Variants in ACADSB observed in about 807,000 individuals in gnomAD.
ACADSB encodes the protein short/branched chain specific acyl-CoA dehydrogenase, mitochondrial.
Under a neutral mutation model 54.1 loss-of-function variants are expected in ACADSB, and 40 were observed. That is an observed-to-expected ratio of 0.74 (90% CI 0.57 to 0.96). ACADSB has a LOEUF of 0.96. Among genes scored for constraint, ACADSB ranks in the 40% least tolerant of loss-of-function variants. The probability of loss-of-function intolerance (pLI) is 0.00; values close to 1 mark genes in which losing one functional copy is unlikely to be tolerated. For synonymous variants in ACADSB, 182 were observed against 182.8 expected (o/e 1.00, Z 0.03); for missense variants, 530 against 510.4 (o/e 1.04, Z -0.37).
intron 1 of ACADSB, among the ~76,000 whole-genome samples, chr10:123,013,562 C>T (rs1264940527): frequency 7.2e-5 from 11 of 152,238 alleles, no homozygotes; most frequent in Admixed American, 2.0e-4. Flanking sequence ...GGGTGGCGCT[C>T]GTCGGGGAGG....
chr10:123,037,662 T>A, intron 2 of ACADSB, 85 bp from the exon 3 acceptor site: 6 of 898,082 alleles, frequency 6.7e-6, no homozygotes, highest in Non-Finnish European at 1.1e-5. Context: ...TATTTTAACT[T>A]AGTTAAAATG....
intron 1 of ACADSB, among the ~76,000 whole-genome samples, chr10:123,011,750 G>A (rs1850039190): frequency 6.6e-6 from 1 of 151,892 alleles, no homozygotes; most frequent in South Asian, 2.1e-4. Context: ...AGATGGAAAT[G>A]GTCTCAAACT....
chr10:123,040,774 C>G (rs1850462935), intron 4 of ACADSB, 102 bp downstream of exon 4: 1 of 1,069,532 alleles, frequency 9.3e-7, no homozygotes. Flanking sequence ...CTATCCAAGA[C>G]CACAATGCGG....
chr10:123,051,462 T>C (rs1432512807), intron 9 of ACADSB, among the ~76,000 whole-genome samples: 4 of 152,062 alleles, frequency 2.6e-5, no homozygotes, highest in Non-Finnish European at 5.9e-5. Context: ...CCTTCAGTTC[T>C]GTGAGGTCTC....
chr10:123,050,906 A>T (rs1013372331), intron 8 of ACADSB, 143 bp from the exon 9 acceptor site: 2 of 756,316 alleles, frequency 2.6e-6, no homozygotes, highest in Non-Finnish European at 4.2e-6. Flanking sequence ...TACTCATTTT[A>T]AAGTATTTAA....
At chr10:123,050,664 A>G (rs1850617668) in intron 8 of ACADSB, among the ~76,000 whole-genome samples, 1 of 152,216 alleles carries the variant, frequency 6.6e-6, no homozygotes, top group African/African-American at 2.4e-5. Flanking sequence ...TCTTAACTCA[A>G]GCAAATAAAG....
chr10:123,053,612 G>A (rs981374901), intron 10 of ACADSB, 83 bp from the exon 11 acceptor site: 33 of 1,159,242 alleles, frequency 2.8e-5, no homozygotes, highest in African/African-American at 4.6e-5. Context: ...TATAGCAAGC[G>A]CAGAGGTGAT....
chr10:123,055,759 T>G lies in ACADSB; in HGVS notation c.*1994T>G, dbSNP rs1850700114. The stretch of plus-strand genomic sequence containing the variant: ...CAACACAAAAGGGTAACAGGGCCCA[T>G]GCAAGTCCAAAATTCAGCAGGGCAG... On this transcript the variant is annotated 3_prime_UTR_variant, in exon 11 of 11. Transcript: ENST00000358776. The G allele has an allele frequency of 1.3e-5, 2 of 152,194 alleles. No homozygotes were observed. 9.4% of individuals were successfully genotyped at this position (152,194 alleles called of 1,614,324 possible).
rs187546035 is a variant in ACADSB, at chr10:123,031,814, A to T, written c.43-2542A>T. The stretch of plus-strand genomic sequence containing the variant: ...CTTTTTAAGTACAATTGTCTCTGTT[A>T]TTGTGTCTATGAATCTAAAATCACT... On this transcript the variant is annotated intron_variant, in intron 1 of 10. Coordinates refer to ENST00000358776, the MANE Select transcript of ACADSB (RefSeq NM_001609.4). 3.5e-4 allele frequency among the ~76,000 whole-genome samples: 54 copies of T among 152,202 alleles called. No homozygotes were observed. The East Asian group carries it at 7.5e-3, about 21-fold the overall frequency.
At chr10:123,047,419 G>A in intron 8 of ACADSB, 121 bp downstream of exon 8, 6 of 754,246 alleles carry the variant, frequency 8.0e-6, no homozygotes, top group Non-Finnish European at 1.4e-5. Context: ...AGATGGGTAG[G>A]GGAGGAAAGA....
At position 123,053,157 on chromosome 10, in the gene ACADSB, A is replaced by T; in HGVS notation, c.1225A>T (p.Ile409Phe). The T allele has an allele frequency of 6.4e-6, 10 of 1,574,436 alleles. No homozygotes were observed. The highest frequency in any genetic ancestry group is 7.7e-6 in the Non-Finnish European group (9 of 1,165,334). Residue 409 changes from isoleucine to phenylalanine, a missense_variant, in exon 10 of 11, where the codon ATT becomes TTT. Physicochemically the swap from Ile to Phe is conservative, Grantham distance 21 (BLOSUM62 0). Coordinates refer to ENST00000358776, the MANE Select transcript of ACADSB (RefSeq NM_001609.4). ...GGAGAAATACTTCCGAGATGCAAAG[A>T]TTGGTAAATAGATTTTTTTTTTTTA... ...PVEKYFRDAK[I>F]GTIYEGASNI...
In ACADSB at chr10:123,020,103, T is replaced by A. The variant is rs555475529; in HGVS notation, c.42+11032T>A. Among the ~76,000 whole-genome samples, 7 of 152,312 alleles carry A rather than the reference T, an allele frequency of 4.6e-5. No homozygotes were observed. The East Asian group carries it at 1.2e-3, about 25-fold the overall frequency. The stretch of plus-strand genomic sequence containing the variant: ...TAAAAGGTTTATTTCCTATGCATAA[T>A]GAGCAAGTACCTGGCTCATTAAATA... On this transcript the variant is annotated intron_variant, in intron 1 of 10. Coordinates refer to ENST00000358776, the MANE Select transcript of ACADSB (RefSeq NM_001609.4).
At position 123,038,724 on chromosome 10, in the gene ACADSB, A is replaced by G. The variant is rs560986223; in HGVS notation, c.303+877A>G. ...GATAGTTTTATTTATTTCTGTTTTA[A>G]AGCAACCAGCTTTTTTATACCGTGT... On this transcript the variant is annotated intron_variant, in intron 3 of 10. Transcript: ENST00000358776. 3.9e-5 allele frequency among the ~76,000 whole-genome samples: 6 copies of G among 152,274 alleles called. 1 individual carries two copies. In the South Asian group the frequency reaches 1.2e-3, roughly 32 times the overall value.
At chr10:123,014,358 G>A (rs1850084723) in intron 1 of ACADSB, among the ~76,000 whole-genome samples, 1 of 152,180 alleles carries the variant, frequency 6.6e-6, no homozygotes, top group South Asian at 2.1e-4. Context: ...TTTAGAGACA[G>A]GATCTTGTTC....
At chr10:123,036,980 T>C (rs1472821925) in intron 2 of ACADSB, among the ~76,000 whole-genome samples, 3 of 152,244 alleles carry the variant, frequency 2.0e-5, no homozygotes, top group African/African-American at 7.2e-5. Context: ...TTCATCAAAA[T>C]GATTTATAAA....
intron 1 of ACADSB, among the ~76,000 whole-genome samples, chr10:123,015,639 C>CT: frequency 6.6e-6 from 1 of 152,332 alleles, no homozygotes; most frequent in East Asian, 1.9e-4. Context: ...GGCCTTTCTC[C>CT]TTATAACCTG....
chr10:123,034,135 C>T (rs1420840818), intron 1 of ACADSB, among the ~76,000 whole-genome samples: 1 of 152,180 alleles, frequency 6.6e-6, no homozygotes, highest in Non-Finnish European at 1.5e-5. Flanking sequence ...AGTTAGTTAT[C>T]TGGGAAATTT....
chr10:123,012,428 T>C (rs890722467), intron 1 of ACADSB, among the ~76,000 whole-genome samples: 14 of 152,336 alleles, frequency 9.2e-5, no homozygotes, highest in Middle Eastern at 3.4e-3. Flanking sequence ...GTTTGGGTCA[T>C]AGTGTGTCCA....
intron 3 of ACADSB, among the ~76,000 whole-genome samples, 174 bp from the exon 4 acceptor site, chr10:123,040,292 A>T (rs1850453071): frequency 6.6e-6 from 1 of 151,950 alleles, no homozygotes; most frequent in South Asian, 2.1e-4. Context: ...TGGAGGTTGC[A>T]GTGAGCTGAG....
Sources: gnomAD v4.1 joint callset for allele counts (sites outside exome capture counted in the v4.1 genomes callset) on GRCh38, gnomAD v4.1.1 for gene constraint, MANE v1.5 for transcripts, NCBI Gene and HGNC (gene_info 2026-07-23, HGNC 2026-07-21) for gene names.